SIDT1: variants seen among roughly 807,000 people sequenced by gnomAD.
The protein encoded by SIDT1 is SID1 transmembrane family member 1.
SIDT1 carries 101 observed loss-of-function variants against 107.5 expected under a neutral mutation model. The observed-to-expected ratio is 0.94, with a 90% CI of 0.80 to 1.11. The LOEUF is 1.11. SIDT1 is among the 50% of genes least tolerant of loss of function. The pLI, the probability that SIDT1 is intolerant of heterozygous loss-of-function variation, is 0.00. For missense variants in SIDT1, 1,076 were observed against 1,058.2 expected (o/e 1.02, Z -0.23); for synonymous variants, 395 against 398.2 (o/e 0.99, Z 0.10).
chr3:113,625,282 G>A (rs368658145), intron 23 of SIDT1, among the ~76,000 whole-genome samples: 99 of 151,940 alleles, frequency 6.5e-4, no homozygotes, highest in African/African-American at 2.3e-3. Context: ...GACTACAGGC[G>A]CCCACCACCG....
At chr3:113,574,808 A>G (rs1017076019) in intron 3 of SIDT1, among the ~76,000 whole-genome samples, 1 of 152,194 alleles carries the variant, frequency 6.6e-6, no homozygotes, top group African/African-American at 2.4e-5. Context: ...TAACATAAAC[A>G]TGTTAAAATG....
intron 10 of SIDT1, among the ~76,000 whole-genome samples, chr3:113,597,105 T>C (rs559606585): frequency 6.6e-6 from 1 of 152,216 alleles, no homozygotes; most frequent in African/African-American, 2.4e-5. Context: ...AATTTTACTT[T>C]TACATCCATC....
At chr3:113,555,527 C>T (rs1434193937) in intron 1 of SIDT1, among the ~76,000 whole-genome samples, 1 of 152,142 alleles carries the variant, frequency 6.6e-6, no homozygotes, top group Non-Finnish European at 1.5e-5. Context: ...TATCCTTCTC[C>T]TCAATGTTTT....
At chr3:113,631,020 C>G (rs928944104), downstream of SIDT1, among the ~76,000 whole-genome samples, 2 of 152,190 alleles carry the variant, frequency 1.3e-5, no homozygotes, top group African/African-American at 2.4e-5. Context: ...TCCCTACCCC[C>G]ATCCTTGTCC....
chr3:113,604,066 T>C (rs1945153693), intron 13 of SIDT1, 33 bp downstream of exon 13: 2 of 1,439,362 alleles, frequency 1.4e-6, no homozygotes, highest in African/African-American at 2.8e-5. Context: ...CATGGTTCCC[T>C]TAAATAAACA....
At position 113,604,057 on chromosome 3, in the gene SIDT1, A is replaced by G. The variant is rs774950516; in HGVS notation, c.1337+24A>G. 9 of 1,487,586 alleles carry G rather than the reference A, an allele frequency of 6.1e-6. No individual in the cohort carries two copies. In the Admixed American group the frequency reaches 1.2e-4, roughly 19 times the overall value. 92.1% of individuals were successfully genotyped at this position (1,487,586 alleles called of 1,614,324 possible). A position where few individuals can be genotyped will look rare whatever the true frequency, so the allele number is the denominator to read the frequency against. On this transcript the variant is annotated intron_variant, in intron 13 of 24. Transcript: ENST00000264852. ...TGGTAAGTAGATGACCAGTAGGACC[A>G]TGGTTCCCTTAAATAAACATAGTTT...
intron 14 of SIDT1, chr3:113,606,726 G>A: frequency 4.3e-6 from 1 of 233,912 alleles, no homozygotes; most frequent in Non-Finnish European, 8.4e-6. Context: ...AGTCCTGAAA[G>A]GCCCCAATGT....
intron 1 of SIDT1, among the ~76,000 whole-genome samples, chr3:113,540,564 C>T (rs559725349): frequency 2.0e-4 from 31 of 152,240 alleles, no homozygotes; most frequent in Non-Finnish European, 7.4e-5. Flanking sequence ...CCTGTTAGTG[C>T]TGTCAACTTG....
intron 1 of SIDT1, among the ~76,000 whole-genome samples, chr3:113,565,361 A>G (rs12635148): frequency 0.42 from 64,275 of 151,752 alleles, 13,920 homozygotes; most frequent in East Asian, 0.67. Flanking sequence ...GTGAAACCCC[A>G]TCTCTACTAA....
chr3:113,546,599 C>A (rs556284320), intron 1 of SIDT1, among the ~76,000 whole-genome samples: 1 of 152,028 alleles, frequency 6.6e-6, no homozygotes, highest in Non-Finnish European at 1.5e-5. Context: ...GTGATGGTCC[C>A]TTCTGAGATA....
At chr3:113,537,656 C>A (rs2895414) in intron 1 of SIDT1, among the ~76,000 whole-genome samples, 20,209 of 152,240 alleles carry the variant, frequency 0.13, 1,853 homozygotes, top group African/African-American at 0.26. Context: ...CGGATATAAC[C>A]GACCACCATT....
chr3:113,562,361 C>T (rs753769460), intron 1 of SIDT1, among the ~76,000 whole-genome samples: 2 of 152,196 alleles, frequency 1.3e-5, no homozygotes, highest in Non-Finnish European at 2.9e-5. Flanking sequence ...CAATTCTACT[C>T]ATAGGCATAT....
chr3:113,532,933 G>C lies in SIDT1; in HGVS notation c.-89G>C. The C allele has an allele frequency of 5.5e-6, 5 of 911,082 alleles. No homozygotes were observed. In the South Asian group the frequency reaches 1.2e-4, roughly 22 times the overall value. 56.4% of individuals were successfully genotyped at this position (911,082 alleles called of 1,614,324 possible). Reference sequence around the variant, plus strand: ...CCGCTCGGCTCTGAAGCGGACGCCTGGCCCTGCACCGGGCTTTGGAAGGAC... The same window carrying C: ...CCGCTCGGCTCTGAAGCGGACGCCTCGCCCTGCACCGGGCTTTGGAAGGAC... On this transcript the variant is annotated 5_prime_UTR_variant, in exon 1 of 25. Transcript: ENST00000264852.
At chr3:113,581,095 G>A (rs1354196806) in intron 5 of SIDT1, among the ~76,000 whole-genome samples, 4 of 151,652 alleles carry the variant, frequency 2.6e-5, no homozygotes, top group Non-Finnish European at 5.9e-5. Context: ...AGGTGTTAAC[G>A]AAAATTGAAA....
chr3:113,593,758 A>C (rs1035044924), intron 10 of SIDT1, among the ~76,000 whole-genome samples: 5 of 152,196 alleles, frequency 3.3e-5, no homozygotes, highest in African/African-American at 1.2e-4. Flanking sequence ...CTTTTTCCCA[A>C]ACTAAGATGG....
At chr3:113,617,750 T>G (rs563639819) in intron 20 of SIDT1, among the ~76,000 whole-genome samples, 1 of 152,328 alleles carries the variant, frequency 6.6e-6, no homozygotes, top group South Asian at 2.1e-4. Context: ...AGGCTTCCTT[T>G]TTTAATAGAC....
Position 113,607,619 on chromosome 3 carries a change from T to C in SIDT1, c.1479-475T>C, listed in dbSNP as rs1034288120. Among the ~76,000 whole-genome samples the C allele has an allele frequency of 2.6e-5, 4 of 152,356 alleles. 1 individual carries two copies. The highest frequency in any genetic ancestry group is 2.6e-4 in the Admixed American group (4 of 15,306). ...TTGCCTGGGAGTTGGGAGTCTAGCC[T>C]CTTGCTCCAGAGCTGAACCAGCGTT... On this transcript the variant is annotated intron_variant, in intron 15 of 24. Transcript: ENST00000264852.
intron 1 of SIDT1, among the ~76,000 whole-genome samples, chr3:113,541,844 T>C (rs1002139148): frequency 1.3e-5 from 2 of 151,994 alleles, no homozygotes; most frequent in South Asian, 2.1e-4. Flanking sequence ...CTTTACTACC[T>C]GGATTCCTGA....
Position 113,627,699 on chromosome 3 carries a change from T to A in SIDT1, c.2475T>A (p.Pro825=). 6.2e-7 allele frequency: 1 copy of A among 1,613,650 alleles called. No homozygotes were observed. Among genetic ancestry groups the A allele is most frequent in the Non-Finnish European group, 8.5e-7 (1 of 1,179,988 alleles). ...DLDVVRRDQI[P]VF ...ATGTGGTTCGGAGAGACCAGATCCC[T>A]GTCTTCTGAACCTCCAACATTAAGA... Residue 825 remains proline (P), a synonymous_variant, in exon 25 of 25, where the codon CCT becomes CCA. Transcript: ENST00000264852.
Sources: allele counts gnomAD v4.1 joint callset (sites outside exome capture counted in the v4.1 genomes callset), GRCh38; gene constraint gnomAD v4.1.1; transcripts MANE v1.5; gene names NCBI Gene and HGNC (gene_info 2026-07-23, HGNC 2026-07-21).